Variants in TAFA2 observed in about 807,000 individuals in gnomAD.
TAFA2 encodes chemokine-like protein TAFA-2.
In TAFA2, 7 loss-of-function variants were observed where a neutral mutation model predicts 18.8. The observed-to-expected ratio is 0.37, with a 90% CI of 0.21 to 0.70. TAFA2 has a LOEUF of 0.70. TAFA2 is among the 30% of genes least tolerant of loss of function. TAFA2 has a pLI of 0.53. For synonymous variants in TAFA2, 60 were observed against 54.2 expected (o/e 1.11, Z -0.47); for missense variants, 122 against 158.1 (o/e 0.77, Z 1.23).
At chr12:61,878,207 TA>T (rs987743077) in intron 1 of TAFA2, 1 of 409,912 alleles carries the variant, frequency 2.4e-6, no homozygotes, top group Admixed American at 2.8e-5. Context: ...GGATGACTTT[TA>T]AAAGAGTTCT....
intron 1 of TAFA2, among the ~76,000 whole-genome samples, chr12:62,059,230 T>G (rs1246355163): frequency 2.7e-5 from 4 of 150,658 alleles, no homozygotes; most frequent in African/African-American, 9.8e-5. Flanking sequence ...AGCGGAAAGA[T>G]CCCTTGAGCC....
chr12:61,975,514 C>CGTGTGTGTGTGT (rs3031098), intron 1 of TAFA2, among the ~76,000 whole-genome samples: 16,317 of 136,504 alleles, frequency 0.12, 1,353 homozygotes, highest in African/African-American at 0.19. Context: ...CAATAATATT[C>CGTGTGTGTGTGT]GTGTGTGTGT....
chr12:61,799,894 T>C (rs963499275), intron 2 of TAFA2, among the ~76,000 whole-genome samples: 3 of 152,098 alleles, frequency 2.0e-5, no homozygotes, highest in African/African-American at 7.2e-5. Context: ...TTTATCCAAG[T>C]GGTGGAATTT....
chr12:61,926,548 A>T (rs1207051962), intron 1 of TAFA2, among the ~76,000 whole-genome samples: 1 of 152,236 alleles, frequency 6.6e-6, no homozygotes, highest in Non-Finnish European at 1.5e-5. Context: ...CAACATATGC[A>T]AATCAATAAA....
At chr12:61,962,611 T>G (rs2136655482) in intron 1 of TAFA2, among the ~76,000 whole-genome samples, 1 of 152,138 alleles carries the variant, frequency 6.6e-6, no homozygotes, top group Non-Finnish European at 1.5e-5. Context: ...AGAACATTAT[T>G]TTTTCAAAGC....
intron 1 of TAFA2, among the ~76,000 whole-genome samples, chr12:61,923,313 G>T (rs558405986): frequency 1.3e-5 from 2 of 152,228 alleles, no homozygotes; most frequent in African/African-American, 2.4e-5. Flanking sequence ...TCCCAGCAGG[G>T]GTCAACAAAT....
intron 1 of TAFA2, among the ~76,000 whole-genome samples, chr12:62,240,465 CTT>C (rs896814208): frequency 2.0e-5 from 3 of 151,504 alleles, no homozygotes; most frequent in South Asian, 2.1e-4. Context: ...GTATAGTAAA[CTT>C]AATGTAGTTT....
intron 1 of TAFA2, among the ~76,000 whole-genome samples, chr12:61,982,876 C>CAAAAAAAAAAAAAAAAAAAAAAAAAAAAA (rs3031097): frequency 9.8e-6 from 1 of 101,596 alleles, no homozygotes; most frequent in Non-Finnish European, 2.0e-5. Flanking sequence ...AAGTGGAAGG[C>CAAAAAAAAAAAAAAAAAAAAAAAAAAAAA]AAAAAAAAAA....
intron 1 of TAFA2, among the ~76,000 whole-genome samples, chr12:62,055,837 A>T (rs1025827684): frequency 2.8e-4 from 43 of 152,194 alleles, no homozygotes; most frequent in Admixed American, 2.5e-3. Flanking sequence ...TTCATAAAGT[A>T]TATTTTTAGT....
chr12:61,967,973 A>C (rs971490922), intron 1 of TAFA2, among the ~76,000 whole-genome samples: 1 of 151,794 alleles, frequency 6.6e-6, no homozygotes, highest in African/African-American at 2.4e-5. Context: ...TATGGTGTTC[A>C]ACCTTTGCTA....
intron 1 of TAFA2, among the ~76,000 whole-genome samples, chr12:62,035,712 G>A (rs1565723709): frequency 6.8e-6 from 1 of 147,766 alleles, no homozygotes; most frequent in South Asian, 2.1e-4. Context: ...TGCTATTGAC[G>A]CTAGGGGTCA....
intron 2 of TAFA2, among the ~76,000 whole-genome samples, chr12:61,853,892 C>T (rs1331824089): frequency 6.6e-6 from 1 of 152,148 alleles, no homozygotes; most frequent in Non-Finnish European, 1.5e-5. Context: ...AACACACTCC[C>T]ACCCTAACTG....
At chr12:62,085,985 G>A (rs986735609) in intron 1 of TAFA2, among the ~76,000 whole-genome samples, 2 of 152,050 alleles carry the variant, frequency 1.3e-5, no homozygotes, top group African/African-American at 4.8e-5. Context: ...CTGCCACCAT[G>A]TGAAGAAGTT....
chr12:62,194,210 A>G (rs17126019), upstream of TAFA2, among the ~76,000 whole-genome samples: 4,653 of 152,234 alleles, frequency 0.031, 216 homozygotes, highest in East Asian at 0.14. Context: ...CAATAGTGTG[A>G]TGAAATTCAA....
intron 1 of TAFA2, among the ~76,000 whole-genome samples, chr12:61,885,159 T>C (rs980359277): frequency 7.2e-5 from 11 of 152,200 alleles, no homozygotes; most frequent in Non-Finnish European, 1.5e-4. Flanking sequence ...ATGAAGTGAC[T>C]TGCTCAGTCA....
At chr12:62,230,783 T>G (rs1488655980) in intron 1 of TAFA2, among the ~76,000 whole-genome samples, 1 of 152,194 alleles carries the variant, frequency 6.6e-6, no homozygotes, top group Non-Finnish European at 1.5e-5. Context: ...GCTCACATGA[T>G]CTTCTTGCTT....
chr12:62,223,883 A>G lies in TAFA2; in HGVS notation c.-130+34880T>C, dbSNP rs141188133. Among the ~76,000 whole-genome samples the G allele has an allele frequency of 2.0e-3, 300 of 152,318 alleles. 1 individual carries two copies. Among genetic ancestry groups the G allele is most frequent in the African/African-American group, 6.6e-3 (276 of 41,572 alleles). On this transcript the variant is annotated intron_variant, in intron 1 of 5. Transcript: ENST00000551619. ...TGGAAATTAGTATACTGGGTACTCA[A>G]AAAGATAAAAGAAACATATAATTAC... is the stretch of plus-strand genomic sequence containing the variant.
intron 1 of TAFA2, among the ~76,000 whole-genome samples, chr12:61,949,027 G>C (rs550763940): frequency 8.5e-5 from 13 of 152,274 alleles, no homozygotes; most frequent in African/African-American, 2.9e-4. Flanking sequence ...ACTTGACAGG[G>C]CCATGGGGTG....
At position 62,124,164 on chromosome 12, in the gene TAFA2, GATA is replaced by G. The variant is rs1328037413; in HGVS notation, c.-2+67092_-2+67094del. On this transcript the variant is annotated intron_variant, in intron 1 of 4. Coordinates refer to ENST00000416284, the MANE Select transcript of TAFA2 (RefSeq NM_178539.5). ...ATCAGAGAATCGCAAAGATTGCAAA[GATA>G]ATGATATAAAACTGTACAGAAAAAA... Among the ~76,000 whole-genome samples, 4 of 151,932 alleles carry G rather than the reference GATA, an allele frequency of 2.6e-5. No individual in the cohort carries two copies. In the East Asian group the frequency reaches 7.7e-4, roughly 29 times the overall value.
Sources: allele counts gnomAD v4.1 joint callset (sites outside exome capture counted in the v4.1 genomes callset), GRCh38; gene constraint gnomAD v4.1.1; transcripts MANE v1.5; gene names NCBI Gene and HGNC (gene_info 2026-07-23, HGNC 2026-07-21).